The following PPIP5K2 variants were observed in gnomAD, a reference collection of about 807,000 sequenced individuals.
PPIP5K2 encodes inositol hexakisphosphate and diphosphoinositol-pentakisphosphate kinase 2.
A neutral mutation model predicts 154.6 loss-of-function variants in PPIP5K2; 105 were observed. The observed-to-expected ratio is 0.68, with a 90% CI of 0.58 to 0.80. The LOEUF (loss-of-function observed/expected upper bound fraction) is 0.80. Among genes scored for constraint, PPIP5K2 ranks in the 30% least tolerant of loss-of-function variants. The pLI is 0.00. For synonymous variants in PPIP5K2, 480 were observed against 490.3 expected (o/e 0.98, Z 0.28); for missense variants, 992 against 1,504.6 (o/e 0.66, Z 5.64).
At chr5:103,142,503 G>T (rs1341879554) in intron 5 of PPIP5K2, among the ~76,000 whole-genome samples, 1 of 152,236 alleles carries the variant, frequency 6.6e-6, no homozygotes, top group African/African-American at 2.4e-5. Context: ...GCGGCGGGAC[G>T]AAGGGCTCCT....
Position 103,129,432 on chromosome 5 carries a change from C to T in PPIP5K2, c.-158C>T. The T allele has an allele frequency of 2.2e-6, 1 of 464,624 alleles. No homozygotes were observed. The highest frequency in any genetic ancestry group is 3.5e-5 in the East Asian group (1 of 28,500). 28.8% of individuals were successfully genotyped at this position (464,624 alleles called of 1,614,324 possible). On this transcript the variant is annotated 5_prime_UTR_variant, in exon 2 of 31. Coordinates refer to ENST00000358359, the MANE Select transcript of PPIP5K2 (RefSeq NM_001276277.3). ...CTAAGAACAAAAGAGTATTTGCCAACAGTCATCATAATATCAAGTGATTGT... is the reference window on the plus strand; with the variant it reads ...CTAAGAACAAAAGAGTATTTGCCAATAGTCATCATAATATCAAGTGATTGT...
chr5:103,157,325 A>C (rs539706673), intron 14 of PPIP5K2, among the ~76,000 whole-genome samples: 2 of 152,322 alleles, frequency 1.3e-5, no homozygotes, highest in African/African-American at 4.8e-5. Context: ...TGTAACATGC[A>C]GAGATTCCAC....
At chr5:103,176,794 C>G in intron 21 of PPIP5K2, 1 of 887,180 alleles carries the variant, frequency 1.1e-6, no homozygotes, top group Non-Finnish European at 1.6e-6. Context: ...GAATTTTCTA[C>G]TTTGAATGCT....
chr5:103,199,995 G>T (rs1802725935), intron 30 of PPIP5K2, among the ~76,000 whole-genome samples: 1 of 151,988 alleles, frequency 6.6e-6, no homozygotes, highest in African/African-American at 2.4e-5. Flanking sequence ...TATTAATTTT[G>T]GATTATATTG....
chr5:103,143,786 CTA>C (rs1247837143), intron 5 of PPIP5K2, among the ~76,000 whole-genome samples: 6 of 143,798 alleles, frequency 4.2e-5, no homozygotes, highest in South Asian at 2.1e-4. Flanking sequence ...GAACTTACCT[CTA>C]TGTGATAAAA....
At position 103,173,840 on chromosome 5, in the gene PPIP5K2, GTC is replaced by G; in HGVS notation, c.2415-16_2415-15del. 2 of 1,434,524 alleles carry G rather than the reference GTC, an allele frequency of 1.4e-6. No individual in the cohort carries two copies. The highest frequency in any genetic ancestry group is 2.0e-6 in the Non-Finnish European group (2 of 1,021,544). The allele number at this position is 1,434,524 out of a possible 1,614,324, so 88.9% of individuals were successfully genotyped here. On this transcript the variant is annotated splice_polypyrimidine_tract_variant and intron_variant, in intron 20 of 30. Coordinates refer to ENST00000358359, the MANE Select transcript of PPIP5K2 (RefSeq NM_001276277.3). Reference sequence around the variant, plus strand: ...GATTATATGGTTATGTTTGAACACTGTCTGCTTCTAATTTTAGGTATTCTAGA... The same window carrying G: ...GATTATATGGTTATGTTTGAACACTGTGCTTCTAATTTTAGGTATTCTAGA...
intron 19 of PPIP5K2, among the ~76,000 whole-genome samples, 175 bp downstream of exon 19, chr5:103,168,470 A>G (rs914599377): frequency 6.6e-6 from 1 of 151,918 alleles, no homozygotes; most frequent in African/African-American, 2.4e-5. Context: ...TATTGATCAC[A>G]TTATTTGATT....
chr5:103,193,283 A>G (rs1801545458), intron 29 of PPIP5K2, among the ~76,000 whole-genome samples: 2 of 152,098 alleles, frequency 1.3e-5, no homozygotes, highest in African/African-American at 4.8e-5. Context: ...CTGTAGGAAT[A>G]CTATTTATTA....
At chr5:103,144,228 G>T (rs1391723981) in intron 5 of PPIP5K2, among the ~76,000 whole-genome samples, 5 of 150,498 alleles carry the variant, frequency 3.3e-5, no homozygotes, top group African/African-American at 4.9e-5. Context: ...TTAAAGAAAT[G>T]AAAGATCTCT....
intron 17 of PPIP5K2, among the ~76,000 whole-genome samples, chr5:103,159,577 C>G (rs1554214980): frequency 1.3e-5 from 2 of 152,088 alleles, no homozygotes; most frequent in East Asian, 3.9e-4. Flanking sequence ...ATCCAGAATA[C>G]TTACTTGAAT....
At chr5:103,166,418 C>T (rs56700413) in intron 17 of PPIP5K2, among the ~76,000 whole-genome samples, 6,422 of 151,950 alleles carry the variant, frequency 0.042, 442 homozygotes, top group African/African-American at 0.15. Flanking sequence ...CCTGATGTGG[C>T]TCCTTCTGAC....
Position 103,190,864 on chromosome 5 carries a change from G to A in PPIP5K2, c.3375G>A (p.Val1125=). 6.3e-7 allele frequency: 1 copy of A among 1,598,392 alleles called. No individual in the cohort carries two copies. Among genetic ancestry groups the A allele is most frequent in the Non-Finnish European group, 8.5e-7 (1 of 1,173,030 alleles). ...TAGGCTTTGAATTGTATTCCATGGT[G>A]CCATCTATTTGTCCTCTAGAAACTC... The part of the protein sequence containing the change: ...PTNGFELYSM[V]PSICPLETLH... Residue 1125 remains valine, a synonymous_variant, in exon 29 of 31, where the codon GTG becomes GTA. Coordinates refer to ENST00000358359, the MANE Select transcript of PPIP5K2 (RefSeq NM_001276277.3).
At chr5:103,137,224 G>A (rs1364068313) in intron 4 of PPIP5K2, among the ~76,000 whole-genome samples, 3 of 149,486 alleles carry the variant, frequency 2.0e-5, no homozygotes, top group Admixed American at 6.7e-5. Context: ...GTGCAGTGGC[G>A]GGATCTCAGC....
intron 19 of PPIP5K2, among the ~76,000 whole-genome samples, chr5:103,171,273 G>T (rs1332756526): frequency 6.6e-6 from 1 of 151,104 alleles, no homozygotes. Context: ...ATGGTATAGT[G>T]GTAAATAAAA....
At position 103,146,647 on chromosome 5, in the gene PPIP5K2, C is replaced by G; in HGVS notation, c.608C>G (p.Ser203Cys). 6.2e-7 allele frequency: 1 copy of G among 1,611,812 alleles called. No individual in the cohort carries two copies. The highest frequency in any genetic ancestry group is 8.5e-7 in the Non-Finnish European group (1 of 1,178,804). ...AATGTTTACATTTATTACCCAACTT[C>G]TGCTGGTGGTGGAAGTCAAAGACTC... The part of the protein sequence containing the change: ...DHNVYIYYPT[S>C]AGGGSQRLFR... The change falls in exon 6 of 31, where the codon TCT becomes TGT. Residue 203 changes from serine to cysteine, a missense_variant. Physicochemically the swap from Ser to Cys is moderately radical, Grantham distance 112 (BLOSUM62 -1). Around this residue, in one of 9 missense-constraint regions of PPIP5K2, gnomAD observed 51 missense variants for 152.2 expected, o/e 0.33. Transcript: ENST00000358359.
intron 17 of PPIP5K2, among the ~76,000 whole-genome samples, chr5:103,162,748 A>G (rs1288652344): frequency 2.0e-5 from 3 of 152,028 alleles, no homozygotes; most frequent in South Asian, 2.1e-4. Flanking sequence ...GCATTTTAAT[A>G]TATTGTTTAA....
At chr5:103,136,097 A>T (rs1214162496) in intron 3 of PPIP5K2, 1 of 149,550 alleles carries the variant, frequency 6.7e-6, no homozygotes, top group African/African-American at 2.5e-5. Context: ...TCAGCCTCCT[A>T]AGTATCTGGG....
At chr5:103,164,411 A>G (rs1375128332) in intron 17 of PPIP5K2, among the ~76,000 whole-genome samples, 4 of 151,742 alleles carry the variant, frequency 2.6e-5, no homozygotes, top group African/African-American at 9.7e-5. Flanking sequence ...TTATTTTGCT[A>G]TTTTTCTGAT....
chr5:103,186,162 C>T (rs540685700), intron 26 of PPIP5K2, among the ~76,000 whole-genome samples, 158 bp from the exon 27 acceptor site: 1 of 152,022 alleles, frequency 6.6e-6, no homozygotes, highest in Non-Finnish European at 1.5e-5. Flanking sequence ...TTAAAACTGA[C>T]CTCATTAGGA....
Sources: gnomAD v4.1 joint callset for allele counts (sites outside exome capture counted in the v4.1 genomes callset) on GRCh38, gnomAD v4.1.1 for gene constraint, gnomAD v4.1.1 regional missense constraint, MANE v1.5 for transcripts, NCBI Gene and HGNC (gene_info 2026-07-23, HGNC 2026-07-21) for gene names.